Variants in VSIG2 observed in about 807,000 individuals in gnomAD.
VSIG2 encodes the protein V-set and immunoglobulin domain containing 2.
In VSIG2, 30 loss-of-function variants were observed where a neutral mutation model predicts 29.4. The ratio of observed to expected loss-of-function variants is 1.02; its 90% confidence interval spans 0.76 to 1.38. The LOEUF (loss-of-function observed/expected upper bound fraction) is 1.38, where lower values mean the gene tolerates loss of function less well. Among genes scored for constraint, VSIG2 ranks in the 40% most tolerant of loss-of-function variants. The pLI is 0.00. For synonymous variants in VSIG2, 178 were observed against 174.2 expected, an observed-to-expected ratio of 1.02 and a Z score of -0.17; for missense variants, 421 against 400.8, an observed-to-expected ratio of 1.05 and a Z score of -0.43.
In VSIG2 at chr11:124,752,253, A is replaced by G. The variant is rs1032734973; in HGVS notation, c.-116T>C. The G allele has an allele frequency of 2.8e-6, 3 of 1,066,792 alleles. No homozygotes were observed. The highest frequency in any genetic ancestry group is 3.9e-6 in the Non-Finnish European group (3 of 764,702). The allele number at this position is 1,066,792 out of a possible 1,614,324, so 66.1% of individuals were successfully genotyped here. On this transcript the variant is annotated 5_prime_UTR_variant, in exon 1 of 7. Transcript: ENST00000326621. ...GCCGCCCGGGCTGGGCAGGAGCGAG[A>G]CTGGTATCTCAGAGCAAACAGGGGA...
chr11:124,749,618 T>C, intron 4 of VSIG2, 90 bp downstream of exon 4: 1 of 1,511,696 alleles, frequency 6.6e-7, no homozygotes, highest in South Asian at 1.3e-5. Flanking sequence ...ATACCCCTAG[T>C]CATGGAACGG....
rs1462213811 is a variant in VSIG2, at chr11:124,748,403, C to A, written c.838G>T (p.Gly280Cys). ...RGKKPKETYG[G>C]SDLREDAIAP... ...CCTCCTGCTCACCGAAGGTCACTAC[C>A]CCCATATGTCTCCTTGGGCTTCTTC... Residue 280 changes from glycine to cysteine, a missense_variant, in exon 6 of 7, where the codon GGT (glycine) becomes TGT (cysteine). Transcript: ENST00000326621. 1.9e-6 allele frequency: 3 copies of A among 1,612,978 alleles called. No homozygotes were observed. The highest frequency in any genetic ancestry group is 1.1e-5 in the South Asian group (1 of 90,926).
Position 124,748,537 on chromosome 11 carries a change from A to G in VSIG2, c.707-3T>C. The G allele has an allele frequency of 1.9e-6, 3 of 1,613,648 alleles. No homozygotes were observed. The highest frequency in any genetic ancestry group is 2.5e-6 in the Non-Finnish European group (3 of 1,179,782). ...GGCCACTCGGCCTTGGGAGGGTTCTAAGGAGATACAGGACCCTCACTCAGA... is the reference window on the plus strand; with the variant it reads ...GGCCACTCGGCCTTGGGAGGGTTCTGAGGAGATACAGGACCCTCACTCAGA... On this transcript the variant is annotated splice_polypyrimidine_tract_variant and splice_region_variant and intron_variant, in intron 5 of 6. Transcript: ENST00000326621.
rs1194828414 is a variant in VSIG2 at position 124,748,736 on chromosome 11, G to T, written c.614C>A (p.Thr205Asn). The change falls in exon 5 of 7, where the codon ACC becomes AAC. Residue 205 changes from threonine (T) to asparagine (N), a missense_variant. Physicochemically the swap from Thr to Asn is moderately conservative, Grantham distance 65. Coordinates refer to ENST00000326621, the MANE Select transcript of VSIG2 (RefSeq NM_014312.5). ...GCCCGAGGAGGTCAGGGAGAGGTTG[G>T]TGAGAATGAGCTGGCCAGACACCTC... ...QDEVSGQLIL[T>N]NLSLTSSGTY... The T allele has an allele frequency of 6.2e-7, 1 of 1,614,210 alleles. No individual in the cohort carries two copies. The highest frequency in any genetic ancestry group is 1.7e-5 in the Admixed American group (1 of 60,028).
Position 124,747,576 on chromosome 11 carries a change from T to A in VSIG2, c.943A>T (p.Thr315Ser), listed in dbSNP as rs772422703. Residue 315 changes from threonine to serine, a missense_variant, in exon 7 of 7, where the codon ACC (threonine) becomes TCC (serine). Coordinates refer to ENST00000326621, the MANE Select transcript of VSIG2 (RefSeq NM_014312.5). Reference protein sequence around the residue: ...GFLERPSSASTVTTTKSKLPM... With the variant: ...GFLERPSSASSVTTTKSKLPM... ...AGCTTGGACTTGGTGGTCGTCACGG[T>A]GCTGGCAGACGAGGGTCTTTCCAGG... The A allele has an allele frequency of 6.2e-7, 1 of 1,613,828 alleles. No individual in the cohort carries two copies. The highest frequency in any genetic ancestry group is 8.5e-7 in the Non-Finnish European group (1 of 1,179,862).
At chr11:124,751,941 C>T (rs1736839921) in intron 1 of VSIG2, 136 bp downstream of exon 1, 2 of 1,090,382 alleles carry the variant, frequency 1.8e-6, no homozygotes, top group Non-Finnish European at 2.5e-6. Flanking sequence ...TCCGGCCTCA[C>T]CTCAGGCGCC....
chr11:124,748,581 C>A, intron 5 of VSIG2, 47 bp from the exon 6 acceptor site: 1 of 1,607,432 alleles, frequency 6.2e-7, no homozygotes. Context: ...CTTTCCTCGG[C>A]CCACCAGCCG....
chr11:124,748,294 C>T (rs1371813214), intron 6 of VSIG2, 96 bp downstream of exon 6: 2 of 1,354,220 alleles, frequency 1.5e-6, no homozygotes, highest in African/African-American at 2.9e-5. Context: ...CCCCTAAACA[C>T]ACTGAATGAT....
chr11:124,750,609 G>C, intron 3 of VSIG2, 105 bp downstream of exon 3: 1 of 1,283,342 alleles, frequency 7.8e-7, no homozygotes, highest in South Asian at 1.4e-5. Flanking sequence ...CAGTGCAGTT[G>C]TGTGCTTGGG....
rs770843983 is a variant in VSIG2, at chr11:124,752,107, C to G, written c.31G>C (p.Gly11Arg). 5 of 1,606,510 alleles carry G rather than the reference C, an allele frequency of 3.1e-6. No homozygotes were observed. In the South Asian group the frequency reaches 5.5e-5, roughly 18 times the overall value. ...AGGCACAGGAAGCCTAGCAGGGCCC[C>G]GCAGAGAAAGGGCCCCGGGAGCTCG... is the stretch of plus-strand genomic sequence containing the variant. MAELPGPFLC[G>R]ALLGFLCLSG... is the part of the protein sequence containing the mutation. The change falls in exon 1 of 7, where the codon GGG becomes CGG. Residue 11 changes from glycine to arginine, a missense_variant. Gly to Arg is a moderately radical substitution (Grantham distance 125). Transcript: ENST00000326621.
rs1944031126 is a variant in VSIG2 at position 124,747,748 on chromosome 11, A to G, written c.852-81T>C. ...CCGTCCTCTAACCTGGGGACTCTTAAATTTCACTGTGCTTGAGAATAATCT... is the reference window on the plus strand; with the variant it reads ...CCGTCCTCTAACCTGGGGACTCTTAGATTTCACTGTGCTTGAGAATAATCT... On this transcript the variant is annotated intron_variant, in intron 6 of 6. Transcript: ENST00000326621. 2.1e-6 allele frequency: 3 copies of G among 1,436,848 alleles called. No individual in the cohort carries two copies. In the African/African-American group the frequency reaches 4.3e-5, roughly 21 times the overall value. 89.0% of individuals were successfully genotyped at this position (1,436,848 alleles called of 1,614,324 possible). A position where few individuals can be genotyped will look rare whatever the true frequency, so the allele number is the denominator to read the frequency against.
chr11:124,751,913 G>T (rs531792670), intron 1 of VSIG2, among the ~76,000 whole-genome samples, 164 bp downstream of exon 1: 1 of 152,312 alleles, frequency 6.6e-6, no homozygotes, highest in East Asian at 1.9e-4. Flanking sequence ...ACGCCCTCCG[G>T]GCCTTGGACA....
rs1475410899 is a variant in VSIG2, at chr11:124,750,843, T to G, written c.298A>C (p.Thr100Pro). 6.2e-7 allele frequency: 1 copy of G among 1,613,954 alleles called. No homozygotes were observed. Among genetic ancestry groups the G allele is most frequent in the Non-Finnish European group, 8.5e-7 (1 of 1,179,936 alleles). ...AGTTTCAGTGTGGCCACCCCCACTG[T>G]GGGGGGGTTCTGAAGCAGGCTGACC... is the stretch of plus-strand genomic sequence containing the variant. Reference protein sequence around the residue: ...KRVSLLQNPPTVGVATLKLTD... With the variant: ...KRVSLLQNPPPVGVATLKLTD... Residue 100 changes from threonine (T) to proline (P), a missense_variant, in exon 3 of 7, where the codon ACA (threonine) becomes CCA (proline). Physicochemically the swap from Thr to Pro is conservative, Grantham distance 38 (BLOSUM62 -1). Coordinates refer to ENST00000326621, the MANE Select transcript of VSIG2 (RefSeq NM_014312.5).
At chr11:124,748,015 AT>A (rs1352108314) in intron 6 of VSIG2, 1 of 360,248 alleles carries the variant, frequency 2.8e-6, no homozygotes, top group African/African-American at 2.1e-5. Context: ...CCACAGAAGA[AT>A]TGAACTCAGC....
Position 124,747,679 on chromosome 11 carries a change from AG to A in VSIG2, c.852-13del. Reference sequence around the variant, plus strand: ...CGATGGCATCCTCCCTGATGGGTATAGGCAAGTTCTGAGTGAACAGTAGAAG... The same window carrying A: ...CGATGGCATCCTCCCTGATGGGTATAGCAAGTTCTGAGTGAACAGTAGAAG... On this transcript the variant is annotated splice_polypyrimidine_tract_variant and intron_variant, in intron 6 of 6. Transcript: ENST00000326621. 1 of 1,612,196 alleles carries A rather than the reference AG, an allele frequency of 6.2e-7. No individual in the cohort carries two copies. The highest frequency in any genetic ancestry group is 8.5e-7 in the Non-Finnish European group (1 of 1,179,324).
chr11:124,751,834 C>A (rs1261345755), intron 1 of VSIG2, among the ~76,000 whole-genome samples: 1 of 152,220 alleles, frequency 6.6e-6, no homozygotes, highest in Non-Finnish European at 1.5e-5. Flanking sequence ...ACTAGCCCTG[C>A]GGTGGGGTGG....
chr11:124,749,584 G>A (rs967826014), intron 4 of VSIG2, 124 bp downstream of exon 4: 2 of 1,321,594 alleles, frequency 1.5e-6, no homozygotes, highest in East Asian at 4.8e-5. Context: ...GGAAGAGACA[G>A]GGAAAGGTAT....
intron 3 of VSIG2, 48 bp from the exon 4 acceptor site, chr11:124,749,914 T>C (rs1944065988): frequency 4.3e-6 from 6 of 1,401,720 alleles, no homozygotes; most frequent in Non-Finnish European, 5.6e-6. Flanking sequence ...TCCTCAGCAA[T>C]CTTCCAGCCC....
intron 6 of VSIG2, 29 bp downstream of exon 6, chr11:124,748,361 T>C: frequency 2.5e-6 from 4 of 1,576,548 alleles, no homozygotes; most frequent in Non-Finnish European, 3.4e-6. Context: ...TCCTCCCTCC[T>C]TGCGCCACCC....
Sources: gnomAD v4.1 joint callset for allele counts (sites outside exome capture counted in the v4.1 genomes callset) on GRCh38, gnomAD v4.1.1 for gene constraint, MANE v1.5 for transcripts, NCBI Gene and HGNC (gene_info 2026-07-23, HGNC 2026-07-21) for gene names.